EHBP1: variants seen among roughly 807,000 people sequenced by gnomAD.
EHBP1 encodes the protein EH domain-binding protein 1.
In EHBP1, 55 loss-of-function variants were observed where a neutral mutation model predicts 144.0. That is an observed-to-expected ratio of 0.38 (90% CI 0.31 to 0.48). EHBP1 has a LOEUF of 0.48. Among genes scored for constraint, EHBP1 ranks in the 20% least tolerant of loss-of-function variants. EHBP1 has a pLI of 0.98. For synonymous variants in EHBP1, 469 were observed against 472.7 expected (o/e 0.99, Z 0.10); for missense variants, 1,200 against 1,364.2 (o/e 0.88, Z 1.90).
intron 19 of EHBP1, among the ~76,000 whole-genome samples, chr2:63,028,854 C>T (rs984138047): frequency 6.6e-5 from 10 of 152,176 alleles, no homozygotes; most frequent in Admixed American, 2.0e-4. Context: ...GTGCTTTTAA[C>T]ACCAAAATAT....
At chr2:63,013,001 A>T (rs181499576) in intron 19 of EHBP1, among the ~76,000 whole-genome samples, 2 of 152,334 alleles carry the variant, frequency 1.3e-5, no homozygotes, top group African/African-American at 4.8e-5. Flanking sequence ...AAAATGAAGA[A>T]GATGATGAAG....
At chr2:63,032,678 T>C (rs1314356876) in intron 19 of EHBP1, among the ~76,000 whole-genome samples, 2 of 151,766 alleles carry the variant, frequency 1.3e-5, no homozygotes, top group East Asian at 3.9e-4. Context: ...CTTCTTCCTA[T>C]GTGTAAGTTT....
rs768838673 is a variant in EHBP1, at chr2:62,764,368, T to C, written c.258+7T>C. 3.2e-6 allele frequency: 5 copies of C among 1,560,702 alleles called. No individual in the cohort carries two copies. In the South Asian group the frequency reaches 6.1e-5, roughly 19 times the overall value. The stretch of plus-strand genomic sequence containing the variant: ...CACTGTAACACTTTTTAAGGTAAGT[T>C]CCATTTTTATAGGCTATAGAATTTA... On this transcript the variant is annotated splice_region_variant and intron_variant, in intron 4 of 22. Transcript: ENST00000431489.
chr2:62,798,828 C>A (rs548192999), intron 5 of EHBP1, among the ~76,000 whole-genome samples: 2 of 151,864 alleles, frequency 1.3e-5, no homozygotes, highest in East Asian at 3.9e-4. Flanking sequence ...CATGGTGAAA[C>A]CCTGTCTCTA....
intron 5 of EHBP1, among the ~76,000 whole-genome samples, chr2:62,777,435 C>T (rs978970574): frequency 2.6e-5 from 4 of 151,484 alleles, no homozygotes; most frequent in African/African-American, 9.7e-5. Context: ...TATGCCCAGA[C>T]ATTTGGTGGT....
rs2153225386 is a variant in EHBP1, at chr2:62,996,673, G to A, written c.3010G>A (p.Val1004Ile). 1 of 1,613,308 alleles carries A rather than the reference G, an allele frequency of 6.2e-7. No individual in the cohort carries two copies. Among genetic ancestry groups the A allele is most frequent in the East Asian group, 2.2e-5 (1 of 44,842 alleles). Residue 1004 changes from valine to isoleucine, a missense_variant, in exon 19 of 23, where the codon GTA becomes ATA. By Grantham distance (29) the Val-to-Ile change is conservative. Around this residue, in one of 6 missense-constraint regions of EHBP1, gnomAD observed 149 missense variants for 217.0 expected, o/e 0.69. Transcript: ENST00000431489. Reference sequence around the variant, plus strand: ...GTTCAAAGACACCAGTCAGTATGTAGTAGGAGAATTGGCAGCACTAGAGAA... The same window carrying A: ...GTTCAAAGACACCAGTCAGTATGTAATAGGAGAATTGGCAGCACTAGAGAA... The part of the protein sequence containing the change: ...KGFKDTSQYV[V>I]GELAALENEQ...
Position 62,806,113 on chromosome 2 carries a change from G to A in EHBP1, c.313-19974G>A, listed in dbSNP as rs542612749. ...TCCTGCCTCAGCCTCCCCAGGAGCTGGGAGTACAGGCATGTACCACCATGC... is the reference window on the plus strand; with the variant it reads ...TCCTGCCTCAGCCTCCCCAGGAGCTAGGAGTACAGGCATGTACCACCATGC... On this transcript the variant is annotated intron_variant, in intron 5 of 22. Transcript: ENST00000431489. Among the ~76,000 whole-genome samples, 15 of 152,154 alleles carry A rather than the reference G, an allele frequency of 9.9e-5. No homozygotes were observed. In the South Asian group the frequency reaches 3.1e-3, roughly 32 times the overall value.
chr2:62,757,415 C>CA lies in EHBP1; in HGVS notation c.163-6851_163-6850insA, dbSNP rs1354396085. Among the ~76,000 whole-genome samples, 3 of 121,900 alleles carry CA rather than the reference C, an allele frequency of 2.5e-5. No homozygotes were observed. In the Admixed American group the frequency reaches 2.5e-4, roughly 10 times the overall value. 80.0% of individuals were successfully genotyped at this position (121,900 alleles called of 152,430 possible). On this transcript the variant is annotated intron_variant, in intron 3 of 22. Coordinates refer to ENST00000431489, the MANE Select transcript of EHBP1 (RefSeq NM_001142616.3). ...CTACATGATAATCATTTCTTTCTTT[C>CA]TTTTTTTTTTCTTTTTTTTTTTTTT...
intron 6 of EHBP1, 112 bp from the exon 7 acceptor site, chr2:62,830,907 A>G (rs1330937903): frequency 2.6e-5 from 28 of 1,093,414 alleles, no homozygotes; most frequent in Non-Finnish European, 3.5e-5. Flanking sequence ...CTGATAAGAA[A>G]GACTTATTGA....
intron 5 of EHBP1, among the ~76,000 whole-genome samples, chr2:62,813,949 A>G (rs913088759): frequency 6.6e-6 from 1 of 152,184 alleles, no homozygotes; most frequent in Non-Finnish European, 1.5e-5. Flanking sequence ...TCTCACCAAT[A>G]TCTGCTTTAG....
chr2:62,979,163 T>C (rs754033678), intron 14 of EHBP1, 25 bp from the exon 15 acceptor site: 10 of 1,592,006 alleles, frequency 6.3e-6, no homozygotes, highest in Non-Finnish European at 8.6e-6. Flanking sequence ...AATTACTGAG[T>C]TGGCAACTGT....
chr2:62,988,052 A>G, intron 15 of EHBP1: 2 of 1,487,984 alleles, frequency 1.3e-6, no homozygotes, highest in African/African-American at 1.4e-5. Context: ...ATTTCAAATT[A>G]TAAATGTTTT....
At chr2:62,810,330 C>G (rs986492891) in intron 5 of EHBP1, among the ~76,000 whole-genome samples, 2 of 152,180 alleles carry the variant, frequency 1.3e-5, no homozygotes, top group African/African-American at 4.8e-5. Context: ...GAAAGGGAGA[C>G]ATGTCCAGAG....
intron 3 of EHBP1, among the ~76,000 whole-genome samples, chr2:62,752,781 C>T (rs1029260637): frequency 6.9e-6 from 1 of 144,024 alleles, no homozygotes; most frequent in Non-Finnish European, 1.5e-5. Context: ...TGTTTTATCA[C>T]ACTTTGTTTA....
At chr2:62,778,932 TC>T (rs1411413702) in intron 5 of EHBP1, among the ~76,000 whole-genome samples, 1 of 152,112 alleles carries the variant, frequency 6.6e-6, no homozygotes, top group Non-Finnish European at 1.5e-5. Context: ...AGACTGGATA[TC>T]TTTTTCAGAA....
intron 10 of EHBP1, among the ~76,000 whole-genome samples, chr2:62,915,934 C>T (rs552634789): frequency 6.6e-6 from 1 of 152,248 alleles, no homozygotes; most frequent in East Asian, 1.9e-4. Flanking sequence ...CAATGAAATA[C>T]TATTTGGGAA....
rs558483799 is a variant in EHBP1, at chr2:62,849,034, C to G, written c.635-10135C>G. ...GTATAGCTGGTCTCCTGACTGTGTCCTAATGAATTAATACCTCCCAATATT... is the reference window on the plus strand; with the variant it reads ...GTATAGCTGGTCTCCTGACTGTGTCGTAATGAATTAATACCTCCCAATATT... On this transcript the variant is annotated intron_variant, in intron 7 of 22. Coordinates refer to ENST00000431489, the MANE Select transcript of EHBP1 (RefSeq NM_001142616.3). Among the ~76,000 whole-genome samples, 48 of 152,220 alleles carry G rather than the reference C, an allele frequency of 3.2e-4. 1 individual carries two copies. The South Asian group carries it at 1.0e-2, about 32-fold the overall frequency.
At chr2:62,812,669 G>A (rs978911093) in intron 5 of EHBP1, among the ~76,000 whole-genome samples, 7 of 152,130 alleles carry the variant, frequency 4.6e-5, no homozygotes, top group African/African-American at 1.7e-4. Context: ...GCTAAATTAT[G>A]TCTATGTCCA....
chr2:62,969,246 A>G lies in EHBP1; in HGVS notation c.2461-9942A>G, dbSNP rs180895604. ...TTCATATGTATTAAGTAAATGAATG[A>G]AAGAAAATGATTATTTATTTAGAAT... On this transcript the variant is annotated intron_variant, in intron 14 of 22. Coordinates refer to ENST00000431489, the MANE Select transcript of EHBP1 (RefSeq NM_001142616.3). 9.3e-3 allele frequency among the ~76,000 whole-genome samples: 1,413 copies of G among 152,248 alleles called. 9 individuals are homozygous for G. Among genetic ancestry groups the G allele is most frequent in the Non-Finnish European group, 0.014 (934 of 68,000 alleles).
Sources: gnomAD v4.1 joint callset for allele counts (sites outside exome capture counted in the v4.1 genomes callset) on GRCh38, gnomAD v4.1.1 for gene constraint, gnomAD v4.1.1 regional missense constraint, MANE v1.5 for transcripts, NCBI Gene and HGNC (gene_info 2026-07-23, HGNC 2026-07-21) for gene names.